ASCC2: variants seen among roughly 807,000 people sequenced by gnomAD.
ASCC2 encodes activating signal cointegrator 1 complex subunit 2, also known as ASC-1 complex subunit P100.
A neutral mutation model predicts 93.5 loss-of-function variants in ASCC2; 42 were observed. The ratio of observed to expected loss-of-function variants is 0.45; its 90% CI spans 0.35 to 0.58. The LOEUF (loss-of-function observed/expected upper bound fraction) is 0.58, where lower values mean the gene tolerates loss of function less well. Among genes scored for constraint, ASCC2 ranks in the 20% least tolerant of loss-of-function variants. The pLI is 0.00. For missense variants in ASCC2, 859 were observed against 977.6 expected (o/e 0.88, Z 1.62); for synonymous variants, 364 against 384.2 (o/e 0.95, Z 0.62).
chr22:29,818,299 ATG>A (rs759471077), intron 5 of ASCC2, among the ~76,000 whole-genome samples: 1 of 151,680 alleles, frequency 6.6e-6, no homozygotes, highest in Non-Finnish European at 1.5e-5. Flanking sequence ...GCTGCTGTGT[ATG>A]TGTGTGTGAG....
intron 2 of ASCC2, among the ~76,000 whole-genome samples, chr22:29,827,159 CT>C (rs1003897929): frequency 2.1e-5 from 3 of 145,314 alleles, no homozygotes; most frequent in Admixed American, 6.8e-5. Context: ...CTGTTCTTTC[CT>C]TTTTTTTTGT....
At position 29,825,146 on chromosome 22, in the gene ASCC2, G is replaced by A. The variant is rs754012177; in HGVS notation, c.352C>T (p.Arg118Cys). The A allele has an allele frequency of 1.2e-5, 18 of 1,549,850 alleles. No homozygotes were observed. Among genetic ancestry groups the A allele is most frequent in the South Asian group, 4.8e-5 (4 of 82,586 alleles). Reference protein sequence around the residue: ...SAPEVVDMQKRLHRSVFLTFL... With the variant: ...SAPEVVDMQKCLHRSVFLTFL... ...GTGAGAAAAACACTTCGATGGAGGC[G>A]CTTCTGCATGTCAACAACCTCAGGG... is the stretch of plus-strand genomic sequence containing the variant. The change falls in exon 4 of 20, where the codon CGC becomes TGC. Residue 118 changes from arginine (R) to cysteine (C), a missense_variant. Arg to Cys is a radical substitution (Grantham distance 180). Coordinates refer to ENST00000307790, the MANE Select transcript of ASCC2 (RefSeq NM_032204.5). The surrounding 1 kb of genome is among the most constrained non-coding windows in gnomAD (Gnocchi z 4.9).
In ASCC2 at chr22:29,813,518, G is replaced by C. The variant is rs369821019; in HGVS notation, c.745C>G (p.Leu249Val). 4 of 1,613,522 alleles carry C rather than the reference G, an allele frequency of 2.5e-6. No individual in the cohort carries two copies. The highest frequency in any genetic ancestry group is 2.5e-6 in the Non-Finnish European group (3 of 1,179,538). Residue 249 changes from leucine (L) to valine (V), a missense_variant, in exon 8 of 20, where the codon CTT (leucine) becomes GTT (valine). By Grantham distance (32) the Leu-to-Val change is conservative. Transcript: ENST00000307790. The stretch of plus-strand genomic sequence containing the variant: ...CAAAGTGTGGTGCAGGTATCACAAA[G>C]GTAGAGAACAATGTCCTTTAATTCC... ...LLELKDIVLY[L>V]CDTCTTLWAF...
intron 5 of ASCC2, 80 bp from the exon 6 acceptor site, chr22:29,816,153 C>T: frequency 1.7e-6 from 2 of 1,192,024 alleles, no homozygotes; most frequent in Non-Finnish European, 2.4e-6. Flanking sequence ...CAAATGGTTG[C>T]CAGCAGGTCT....
chr22:29,810,097 T>C (rs1389953322), intron 8 of ASCC2: 4 of 152,560 alleles, frequency 2.6e-5, no homozygotes, highest in Middle Eastern at 3.2e-3. Context: ...CTCAGGCTAA[T>C]GCTGGCCACT....
At chr22:29,807,235 CAAAAA>C (rs553545816) in intron 9 of ASCC2, among the ~76,000 whole-genome samples, 3 of 46,476 alleles carry the variant, frequency 6.5e-5, no homozygotes, top group Non-Finnish European at 9.1e-5. Context: ...GACCCTGTCT[CAAAAA>C]AAAAAAAAAA....
chr22:29,828,890 G>A (rs1206028500), intron 2 of ASCC2, among the ~76,000 whole-genome samples: 2 of 152,196 alleles, frequency 1.3e-5, no homozygotes, highest in African/African-American at 4.8e-5. Context: ...TTTTTAAAAT[G>A]TTGGCTGGGT....
intron 15 of ASCC2, among the ~76,000 whole-genome samples, chr22:29,795,142 G>A (rs1263379561): frequency 6.6e-6 from 1 of 152,008 alleles, no homozygotes; most frequent in Non-Finnish European, 1.5e-5. Context: ...GGTCAGGCTG[G>A]TCTGGAACTC....
At chr22:29,812,904 T>C (rs2060438310) in intron 8 of ASCC2, among the ~76,000 whole-genome samples, 1 of 150,608 alleles carries the variant, frequency 6.6e-6, no homozygotes, top group Non-Finnish European at 1.5e-5. Context: ...TTTTTTTAGA[T>C]GGAGTCTTGC....
Position 29,789,115 on chromosome 22 carries a change from G to A in ASCC2, c.2172C>T (p.Thr724=), listed in dbSNP as rs768554781. The part of the protein sequence containing the change: ...PRGHGQSRET[T]QERRKKEANK... ...TGGCTTCCTTCTTCCTGCGTTCCTG[G>A]GTTGTCTCGCGGCTCTGCCCATGGC... The change falls in exon 20 of 20, where the codon ACC becomes ACT. Residue 724 remains threonine, a synonymous_variant. Coordinates refer to ENST00000307790, the MANE Select transcript of ASCC2 (RefSeq NM_032204.5). 2 of 1,614,060 alleles carry A rather than the reference G, an allele frequency of 1.2e-6. No homozygotes were observed. The highest frequency in any genetic ancestry group is 1.7e-6 in the Non-Finnish European group (2 of 1,180,026).
rs143075682 is a variant in ASCC2, at chr22:29,794,642, A to C, written c.1689-966T>G. 2.6e-5 allele frequency among the ~76,000 whole-genome samples: 4 copies of C among 152,350 alleles called. No homozygotes were observed. The East Asian group carries it at 7.7e-4, about 29-fold the overall frequency. On this transcript the variant is annotated intron_variant, in intron 15 of 19. Transcript: ENST00000307790. ...TCAGCATTGTTTGCAACAGTGAAAA[A>C]TGGAAAGCAACTAATGTCCATCATG...
chr22:29,832,586 A>AT, intron 1 of ASCC2: 1 of 289,540 alleles, frequency 3.5e-6, no homozygotes. Flanking sequence ...ATTTCCACCC[A>AT]CTTTTTTTTT....
chr22:29,793,377 G>A lies in ASCC2; in HGVS notation c.1902C>T (p.Asp634=), dbSNP rs763877849. 19 of 1,613,636 alleles carry A rather than the reference G, an allele frequency of 1.2e-5. No individual in the cohort carries two copies. Among genetic ancestry groups the A allele is most frequent in the Non-Finnish European group, 1.6e-5 (19 of 1,180,028 alleles). ...QVGANDADSD[D]ELISRRPFTI... is the part of the protein sequence containing the mutation. ...GGCCTCACCTGCGGCTGATGAGCTCGTCATCAGAGTCTGCATCATTGGCGC... is the reference window on the plus strand; with the variant it reads ...GGCCTCACCTGCGGCTGATGAGCTCATCATCAGAGTCTGCATCATTGGCGC... Residue 634 remains aspartate (D), a synonymous_variant, in exon 17 of 20, where the codon GAC becomes GAT. Coordinates refer to ENST00000307790, the MANE Select transcript of ASCC2 (RefSeq NM_032204.5).
chr22:29,793,933 C>G (rs2058096963), intron 15 of ASCC2, among the ~76,000 whole-genome samples: 2 of 150,730 alleles, frequency 1.3e-5, no homozygotes, highest in African/African-American at 4.9e-5. Context: ...AAGTCTTGCT[C>G]TGTCACCCAG....
Position 29,827,825 on chromosome 22 carries a change from AC to A in ASCC2, c.82-2046del, listed in dbSNP as rs1568953098. Reference sequence around the variant, plus strand: ...TACTCATTCTGACACACACACACACACACACATACACCCAGACTACTCATTC... The same window carrying A: ...TACTCATTCTGACACACACACACACAACACATACACCCAGACTACTCATTC... On this transcript the variant is annotated intron_variant, in intron 2 of 19. Coordinates refer to ENST00000307790, the MANE Select transcript of ASCC2 (RefSeq NM_032204.5). Among the ~76,000 whole-genome samples the A allele has an allele frequency of 2.1e-4, 27 of 129,630 alleles. 3 individuals are homozygous for A. Among genetic ancestry groups the A allele is most frequent in the African/African-American group, 8.1e-4 (26 of 32,290 alleles). 85.0% of individuals were successfully genotyped at this position (129,630 alleles called of 152,430 possible).
intron 1 of ASCC2, chr22:29,834,348 AGGAAACAGCAGAGCAAAGGCAAGGAGGT>A (rs2063516936): frequency 2.7e-6 from 1 of 371,048 alleles, no homozygotes; most frequent in Non-Finnish European, 5.5e-6. Context: ...CCCCAGGCAG[AGGAAACAGCAGAGCAAAGGCAAGGAGGT>A]GGAAACAGCC....
chr22:29,827,200 G>A lies in ASCC2; in HGVS notation c.82-1420C>T, dbSNP rs116854378. 7.2e-3 allele frequency among the ~76,000 whole-genome samples: 1,085 copies of A among 150,370 alleles called. 4 individuals carry two copies. The highest frequency in any genetic ancestry group is 0.011 in the Non-Finnish European group (748 of 67,852). On this transcript the variant is annotated intron_variant, in intron 2 of 19. Transcript: ENST00000307790. ...TATTTTTTTGTAAGTAAGTCTCAGCGTAGAATCACAAGTTCTCCCTTCCAG... is the reference window on the plus strand; with the variant it reads ...TATTTTTTTGTAAGTAAGTCTCAGCATAGAATCACAAGTTCTCCCTTCCAG...
At chr22:29,799,070 T>A (rs2058774939) in intron 15 of ASCC2, 1 of 152,326 alleles carries the variant, frequency 6.6e-6, no homozygotes, top group Non-Finnish European at 1.5e-5. Context: ...TGGCAAATGC[T>A]CGTAGGTGAC....
At chr22:29,822,716 CTTTTTTT>C (rs748997801) in intron 4 of ASCC2, among the ~76,000 whole-genome samples, 1 of 93,000 alleles carries the variant, frequency 1.1e-5, no homozygotes, top group Non-Finnish European at 2.1e-5. Flanking sequence ...ATTATCATGT[CTTTTTTT>C]TTTTTTTTTT....
Sources: gnomAD v4.1 joint callset for allele counts (sites outside exome capture counted in the v4.1 genomes callset) on GRCh38, gnomAD v4.1.1 for gene constraint, Gnocchi (gnomAD v3.1) non-coding constraint, MANE v1.5 for transcripts, NCBI Gene and HGNC (gene_info 2026-07-23, HGNC 2026-07-21) for gene names.